MIGA1: variants seen among roughly 807,000 people sequenced by gnomAD.
The protein encoded by MIGA1 is mitoguardin 1, also known as family with sequence similarity 73, member A.
Under a neutral mutation model 82.0 loss-of-function variants are expected in MIGA1, and 58 were observed. The observed-to-expected ratio is 0.71, with a 90% CI of 0.57 to 0.88. The LOEUF is 0.88. MIGA1 is among the 40% of genes least tolerant of loss of function. The pLI, the probability that MIGA1 is intolerant of heterozygous loss-of-function variation, is 0.00. For synonymous variants in MIGA1, 249 were observed against 253.6 expected (o/e 0.98, Z 0.17); for missense variants, 751 against 749.1 (o/e 1.00, Z -0.03).
Position 77,801,407 on chromosome 1 carries a change from A to G in MIGA1, c.272A>G (p.His91Arg). Reference sequence around the variant, plus strand: ...GCTATATCTGTAATTTTTCTGGCTCATCACTTTAAAAGAAAACGTGGAAAG... The same window carrying G: ...GCTATATCTGTAATTTTTCTGGCTCGTCACTTTAAAAGAAAACGTGGAAAG... Residue 91 changes from histidine to arginine, a missense_variant, in exon 3 of 16, where the codon CAT (histidine) becomes CGT (arginine). By Grantham distance (29) the His-to-Arg change is conservative (BLOSUM62 0). Around this residue, in one of 3 missense-constraint regions of MIGA1, gnomAD observed 482 missense variants for 439.4 expected, o/e 1.10. Coordinates refer to ENST00000370791, the MANE Select transcript of MIGA1 (RefSeq NM_198549.4). The G allele has an allele frequency of 6.2e-7, 1 of 1,608,786 alleles. No homozygotes were observed. Among genetic ancestry groups the G allele is most frequent in the East Asian group, 2.2e-5 (1 of 44,470 alleles).
chr1:77,851,852 T>C (rs927044894), intron 8 of MIGA1, among the ~76,000 whole-genome samples: 1 of 151,162 alleles, frequency 6.6e-6, no homozygotes, highest in African/African-American at 2.4e-5. Context: ...GAGGGTTTAA[T>C]TGGAGCCCAG....
intron 7 of MIGA1, among the ~76,000 whole-genome samples, chr1:77,821,645 C>T (rs1349497541): frequency 6.6e-6 from 1 of 152,110 alleles, no homozygotes; most frequent in Non-Finnish European, 1.5e-5. Flanking sequence ...CCGCCCGCCT[C>T]CGCCCCCCAA....
At chr1:77,784,147 C>T (rs1682044669) in intron 2 of MIGA1, among the ~76,000 whole-genome samples, 1 of 152,152 alleles carries the variant, frequency 6.6e-6, no homozygotes, top group Non-Finnish European at 1.5e-5. Flanking sequence ...TCTTTGAGAT[C>T]CTGCTTTTAA....
At chr1:77,799,175 G>A (rs998713384) in intron 2 of MIGA1, among the ~76,000 whole-genome samples, 2 of 151,968 alleles carry the variant, frequency 1.3e-5, no homozygotes, top group African/African-American at 4.8e-5. Flanking sequence ...TTTTTGTGAT[G>A]TCTTTGTCTG....
intron 15 of MIGA1, among the ~76,000 whole-genome samples, chr1:77,874,423 A>C (rs1162219449): frequency 1.3e-5 from 2 of 152,114 alleles, no homozygotes; most frequent in Non-Finnish European, 2.9e-5. Context: ...TACTGGAAAT[A>C]GTTTATTCTT....
chr1:77,779,753 G>C lies in MIGA1; in HGVS notation c.81+17G>C, dbSNP rs534103763. On this transcript the variant is annotated intron_variant, in intron 1 of 15. Coordinates refer to ENST00000370791, the MANE Select transcript of MIGA1 (RefSeq NM_198549.4). ...GAGCTCCAGGTACAGGGCCAGGGGC[G>C]GGGTGGGGTGGAGAGGCGGGCGGGA... The C allele has an allele frequency of 1.0e-3, 1,608 of 1,548,296 alleles. 2 individuals are homozygous for C. The highest frequency in any genetic ancestry group is 1.1e-3 in the Non-Finnish European group (1,270 of 1,145,818).
In MIGA1 at chr1:77,861,230, A is replaced by C; in HGVS notation, c.1282A>C (p.Lys428Gln). The change falls in exon 12 of 16, where the codon AAG becomes CAG. Residue 428 changes from lysine (K) to glutamine (Q), a missense_variant. This residue lies in a region of MIGA1 where 265 missense variants were observed against 293.6 expected (regional missense o/e 0.90). Coordinates refer to ENST00000370791, the MANE Select transcript of MIGA1 (RefSeq NM_198549.4). ...AATGTGTTTTCTTCTTCAGAATCCA[A>C]AGAAGTTTGAAGATGTTTTTGATGA... 6.2e-7 allele frequency: 1 copy of C among 1,604,614 alleles called. No individual in the cohort carries two copies. Among genetic ancestry groups the C allele is most frequent in the Non-Finnish European group, 8.5e-7 (1 of 1,172,206 alleles).
rs776490694 is a variant in MIGA1 at position 77,858,955 on chromosome 1, A to G, written c.1014A>G (p.Glu338=). The change falls in exon 9 of 16, where the codon GAA becomes GAG. Residue 338 remains glutamate (E), a synonymous_variant. Transcript: ENST00000370791. ...GCTCTTAGCTTGCAGAACACAGAGA[A>G]GTACGGCATACCTACAGCCTGGAGT... The G allele has an allele frequency of 1.9e-6, 3 of 1,611,552 alleles. No homozygotes were observed. In the East Asian group the frequency reaches 6.7e-5, roughly 36 times the overall value.
At chr1:77,804,024 T>A (rs1219330238) in intron 4 of MIGA1, among the ~76,000 whole-genome samples, 1 of 152,186 alleles carries the variant, frequency 6.6e-6, no homozygotes, top group Non-Finnish European at 1.5e-5. Flanking sequence ...ATGTCTTATG[T>A]ACTCCATAAA....
chr1:77,829,884 C>T (rs1476530439), intron 7 of MIGA1, among the ~76,000 whole-genome samples: 4 of 140,690 alleles, frequency 2.8e-5, no homozygotes, highest in South Asian at 2.5e-4. Flanking sequence ...TGCAAAGCCC[C>T]CCCACCCCCC....
rs750228622 is a variant in MIGA1 at position 77,866,400 on chromosome 1, C to A, written c.1563+9C>A. The A allele has an allele frequency of 6.2e-7, 1 of 1,612,866 alleles. No homozygotes were observed. Among genetic ancestry groups the A allele is most frequent in the African/African-American group, 1.3e-5 (1 of 74,830 alleles). On this transcript the variant is annotated intron_variant, in intron 14 of 15. Transcript: ENST00000370791. ...AAAGACAACAGATGAAGGTAAAATTCGTTATGTCCTGAATTCCTTTGTTAA... is the reference window on the plus strand; with the variant it reads ...AAAGACAACAGATGAAGGTAAAATTAGTTATGTCCTGAATTCCTTTGTTAA...
intron 4 of MIGA1, among the ~76,000 whole-genome samples, chr1:77,804,989 ATTTC>A (rs1683033316): frequency 8.7e-6 from 1 of 115,220 alleles, no homozygotes; most frequent in East Asian, 2.7e-4. Context: ...TTGCTTCCAT[ATTTC>A]TTTTTTTTTT....
intron 8 of MIGA1, among the ~76,000 whole-genome samples, 196 bp from the exon 9 acceptor site, chr1:77,858,742 C>CTGGGTCCT (rs1193916216): frequency 6.6e-6 from 1 of 152,160 alleles, no homozygotes; most frequent in Non-Finnish European, 1.5e-5. Flanking sequence ...CCTCAATCTC[C>CTGGGTCCT]TGGGTAGCTA....
intron 13 of MIGA1, among the ~76,000 whole-genome samples, chr1:77,865,345 C>T (rs1005652291): frequency 6.6e-6 from 1 of 152,074 alleles, no homozygotes; most frequent in African/African-American, 2.4e-5. Flanking sequence ...AATCCCAGCA[C>T]TTTGGAAGGC....
At chr1:77,787,530 A>G (rs1405539558) in intron 2 of MIGA1, among the ~76,000 whole-genome samples, 2 of 151,830 alleles carry the variant, frequency 1.3e-5, no homozygotes, top group Non-Finnish European at 1.5e-5. Flanking sequence ...CTGAGATTAC[A>G]GGCGCCTGCC....
chr1:77,858,843 C>A, intron 8 of MIGA1, 95 bp from the exon 9 acceptor site: 1 of 711,678 alleles, frequency 1.4e-6, no homozygotes, highest in Non-Finnish European at 2.4e-6. Flanking sequence ...TGGTTTCAAA[C>A]TTCTGGGTTC....
At chr1:77,844,100 T>TAAAAA (rs140327554) in intron 8 of MIGA1, among the ~76,000 whole-genome samples, 58 of 68,404 alleles carry the variant, frequency 8.5e-4, no homozygotes, top group African/African-American at 2.2e-3. Context: ...GACCCTGTCT[T>TAAAAA]AAAAAAAAAA....
intron 8 of MIGA1, among the ~76,000 whole-genome samples, chr1:77,854,534 C>G (rs1024059350): frequency 6.6e-6 from 1 of 152,150 alleles, no homozygotes; most frequent in Admixed American, 6.5e-5. Context: ...TAGAAGTGTT[C>G]CCTGATCACT....
intron 7 of MIGA1, among the ~76,000 whole-genome samples, chr1:77,838,878 A>G (rs1008667665): frequency 7.9e-5 from 12 of 152,200 alleles, no homozygotes; most frequent in African/African-American, 2.9e-4. Flanking sequence ...TTCACTCAGC[A>G]TATTGTTAGA....
Sources: allele counts gnomAD v4.1 joint callset (sites outside exome capture counted in the v4.1 genomes callset), GRCh38; gene constraint gnomAD v4.1.1; regional missense constraint gnomAD v4.1.1; transcripts MANE v1.5; gene names NCBI Gene and HGNC (gene_info 2026-07-23, HGNC 2026-07-21).